Variants in ZBTB37 observed in about 807,000 individuals in gnomAD.
The protein encoded by ZBTB37 is zinc finger and BTB domain-containing protein 37.
Under a neutral mutation model 37.7 loss-of-function variants are expected in ZBTB37, and 15 were observed. The ratio of observed to expected loss-of-function variants is 0.40; its 90% CI spans 0.27 to 0.61. ZBTB37 has a LOEUF of 0.61. Among genes scored for constraint, ZBTB37 ranks in the 20% least tolerant of loss-of-function variants. The pLI, the probability that ZBTB37 is intolerant of heterozygous loss-of-function variation, is 0.44. For synonymous variants in ZBTB37, 231 were observed against 220.6 expected (o/e 1.05, Z -0.42); for missense variants, 514 against 641.9 (o/e 0.80, Z 2.15).
chr1:173,870,217 G>C, exon 3 of ZBTB37: 2 of 1,599,692 alleles, frequency 1.3e-6, no homozygotes, highest in Admixed American at 3.4e-5. Flanking sequence ...TGCACCCTCA[G>C]GCACGACCAT....
At chr1:173,878,363 T>A (rs1357376883) in intron 4 of ZBTB37, among the ~76,000 whole-genome samples, 1 of 152,224 alleles carries the variant, frequency 6.6e-6, no homozygotes, top group Non-Finnish European at 1.5e-5. Flanking sequence ...TTTGTTTTTG[T>A]CTTTTGACAG....
chr1:173,894,991 CA>C (rs1336871712), exon 4 of ZBTB37: 2 of 152,134 alleles, frequency 1.3e-5, no homozygotes, highest in African/African-American at 4.8e-5. Flanking sequence ...GCAAAATTTT[CA>C]TTTTGTACTG....
intron 4 of ZBTB37, among the ~76,000 whole-genome samples, chr1:173,882,174 A>G (rs1373078219): frequency 6.7e-6 from 1 of 149,800 alleles, no homozygotes; most frequent in East Asian, 2.0e-4. Context: ...CCTTTGTCGG[A>G]TGGGTAGATT....
chr1:173,901,977 C>T (rs574768599), exon 4 of ZBTB37: 2 of 152,302 alleles, frequency 1.3e-5, no homozygotes, highest in Non-Finnish European at 2.9e-5. Flanking sequence ...TCACACTGGT[C>T]ACTGTGAAAA....
chr1:173,885,460 A>G (rs1242087138), intron 4 of ZBTB37, among the ~76,000 whole-genome samples, 176 bp from the exon 5 acceptor site: 1 of 152,188 alleles, frequency 6.6e-6, no homozygotes, highest in African/African-American at 2.4e-5. Flanking sequence ...GAGTAGTCTC[A>G]ATTTTTTAAA....
intron 4 of ZBTB37, among the ~76,000 whole-genome samples, chr1:173,878,558 G>A (rs1481664870): frequency 6.6e-6 from 1 of 152,148 alleles, no homozygotes; most frequent in Non-Finnish European, 1.5e-5. Flanking sequence ...GCCCAAAGAG[G>A]CTCTGTCTCC....
intron 4 of ZBTB37, among the ~76,000 whole-genome samples, chr1:173,878,317 C>G (rs1384014044): frequency 6.6e-6 from 1 of 152,198 alleles, no homozygotes; most frequent in Non-Finnish European, 1.5e-5. Context: ...AAACTGAAAT[C>G]TCCTTGAGAG....
chr1:173,872,576 A>C (rs953022977), intron 3 of ZBTB37, among the ~76,000 whole-genome samples: 1 of 152,042 alleles, frequency 6.6e-6, no homozygotes, highest in African/African-American at 2.4e-5. Context: ...TTGTCCTCCT[A>C]TGTTAGAACT....
intron 4 of ZBTB37, among the ~76,000 whole-genome samples, chr1:173,874,429 C>T (rs1655788979): frequency 6.6e-6 from 1 of 151,160 alleles, no homozygotes; most frequent in African/African-American, 2.4e-5. Flanking sequence ...CGGCTCACTG[C>T]AAGCTCCACC....
Position 173,885,286 on chromosome 1 carries a change from G to T in ZBTB37, c.1024-350G>T, listed in dbSNP as rs550094540. On this transcript the variant is annotated intron_variant, in intron 4 of 4. Transcript: ENST00000427304. ...ACCAGCACTGCCTAAGTATTTGATT[G>T]TCTAGAATATAATTGTAAGATTAGG... Among the ~76,000 whole-genome samples the T allele has an allele frequency of 9.3e-4, 141 of 152,286 alleles. 1 individual carries two copies. The South Asian group carries it at 0.02, about 21-fold the overall frequency.
intron 4 of ZBTB37, among the ~76,000 whole-genome samples, chr1:173,881,590 ATT>A (rs1656311668): frequency 6.6e-6 from 1 of 152,114 alleles, no homozygotes; most frequent in Non-Finnish European, 1.5e-5. Flanking sequence ...AAGTGTTCCT[ATT>A]TCTCCACATC....
chr1:173,895,598 A>G (rs867019256), exon 4 of ZBTB37: 14 of 152,152 alleles, frequency 9.2e-5, no homozygotes, highest in African/African-American at 3.1e-4. Context: ...TCTTAATCCC[A>G]TTCTACCTCT....
chr1:173,890,044 C>G (rs1414432571), downstream of ZBTB37: 1 of 151,536 alleles, frequency 6.6e-6, no homozygotes, highest in African/African-American at 2.4e-5. Flanking sequence ...TCTTTTTTTT[C>G]TTAAAGGCAG....
intron 3 of ZBTB37, 61 bp downstream of exon 3, chr1:173,871,209 G>A (rs767186626): frequency 5.3e-5 from 76 of 1,438,138 alleles, no homozygotes; most frequent in Non-Finnish European, 6.9e-5. Context: ...TCACTAAAGT[G>A]TCCTCTGTAG....
chr1:173,889,159 G>A (rs927760265), downstream of ZBTB37: 27 of 152,270 alleles, frequency 1.8e-4, no homozygotes, highest in African/African-American at 6.0e-4. Context: ...CAGCTTTTTC[G>A]TTAAAAGAGA....
intron 4 of ZBTB37, among the ~76,000 whole-genome samples, chr1:173,877,442 T>C (rs1656047054): frequency 6.7e-6 from 1 of 148,712 alleles, no homozygotes; most frequent in Admixed American, 6.8e-5. Flanking sequence ...AGTGCAGTGG[T>C]ATGATCATGT....
At chr1:173,896,346 G>A (rs889558262) in exon 4 of ZBTB37, 1 of 152,100 alleles carries the variant, frequency 6.6e-6, no homozygotes, top group African/African-American at 2.4e-5. Context: ...ATCCACTCTG[G>A]TGTAGTCTGC....
At chr1:173,897,752 C>G (rs1203124926) in exon 4 of ZBTB37, 2 of 152,264 alleles carry the variant, frequency 1.3e-5, no homozygotes, top group Non-Finnish European at 2.9e-5. Context: ...CCATTCTTCT[C>G]TATACTCACT....
At chr1:173,889,630 TG>T (rs1369433106), downstream of ZBTB37, 1 of 152,232 alleles carries the variant, frequency 6.6e-6, no homozygotes, top group Non-Finnish European at 1.5e-5. Flanking sequence ...AGCATTGGCA[TG>T]AACAGTTAAT....
Sources: gnomAD v4.1 joint callset for allele counts (sites outside exome capture counted in the v4.1 genomes callset) on GRCh38, gnomAD v4.1.1 for gene constraint, MANE v1.5 for transcripts, NCBI Gene and HGNC (gene_info 2026-07-23, HGNC 2026-07-21) for gene names.